OR1J2: variants seen among roughly 807,000 people sequenced by gnomAD.
OR1J2 encodes olfactory receptor 1J2.
For missense variants in OR1J2, 304 were observed against 246.1 expected (o/e 1.24, Z -1.57); for synonymous variants, 142 against 99.7 (o/e 1.42, Z -2.52).
chr9:122,571,630 C>T, the OR1J2 span, among the ~76,000 whole-genome samples: 2 of 149,954 alleles, frequency 1.3e-5, no homozygotes, highest in East Asian at 1.9e-4. Context: ...GCAGAAGAAT[C>T]GCTTGAACCC....
the OR1J2 span, among the ~76,000 whole-genome samples, chr9:122,517,813 C>T: frequency 2.6e-5 from 4 of 152,032 alleles, no homozygotes; most frequent in Admixed American, 2.6e-4. Flanking sequence ...ACCTATCAAC[C>T]CCATCACCTA....
chr9:122,462,595 A>G, the OR1J2 span, among the ~76,000 whole-genome samples: 2 of 152,182 alleles, frequency 1.3e-5, no homozygotes, highest in Non-Finnish European at 2.9e-5. Flanking sequence ...TACTTTTAGT[A>G]GTTCTTGTAG....
chr9:122,531,980 G>A, the OR1J2 span, among the ~76,000 whole-genome samples: 13 of 152,132 alleles, frequency 8.5e-5, no homozygotes, highest in East Asian at 7.8e-4. Flanking sequence ...AGTCCTGGGC[G>A]GAGGCAAATC....
chr9:122,554,339 T>C, the OR1J2 span: 21 of 571,576 alleles, frequency 3.7e-5, no homozygotes, highest in African/African-American at 3.8e-4. Flanking sequence ...TGGAATGAGA[T>C]GTTCTGTCTC....
At chr9:122,497,514 T>A in the OR1J2 span, among the ~76,000 whole-genome samples, 16 of 152,340 alleles carry the variant, frequency 1.1e-4, no homozygotes, top group Non-Finnish European at 2.2e-4. Flanking sequence ...TTAGTTGTAA[T>A]GTCACCTTTG....
At chr9:122,477,240 G>A in the OR1J2 span, 1 of 1,614,094 alleles carries the variant, frequency 6.2e-7, no homozygotes, top group African/African-American at 1.3e-5. Flanking sequence ...CCTTGGTAGA[G>A]GGAATCTGGA....
At chr9:122,565,203 T>A in the OR1J2 span, among the ~76,000 whole-genome samples, 1 of 152,130 alleles carries the variant, frequency 6.6e-6, no homozygotes, top group African/African-American at 2.4e-5. Context: ...GATCAGGGAT[T>A]TGGAAGCAAC....
the OR1J2 span, among the ~76,000 whole-genome samples, chr9:122,493,849 C>G: frequency 6.6e-6 from 1 of 152,116 alleles, no homozygotes; most frequent in Non-Finnish European, 1.5e-5. Context: ...GAACTCTCCT[C>G]TTAGCACTGC....
At chr9:122,562,397 G>A in the OR1J2 span, among the ~76,000 whole-genome samples, 4 of 152,248 alleles carry the variant, frequency 2.6e-5, no homozygotes, top group South Asian at 8.3e-4. Context: ...CTAGCTGAGT[G>A]GCTATTGAGA....
chr9:122,465,966 A>G, the OR1J2 span, among the ~76,000 whole-genome samples: 2 of 152,210 alleles, frequency 1.3e-5, no homozygotes, highest in Non-Finnish European at 2.9e-5. Flanking sequence ...AGCAAGGCTG[A>G]ACTTTAAGCC....
chr9:122,549,988 T>C, the OR1J2 span, among the ~76,000 whole-genome samples: 2 of 152,190 alleles, frequency 1.3e-5, no homozygotes, highest in African/African-American at 4.8e-5. Context: ...TTCCAATCCA[T>C]GATCATGGGA....
the OR1J2 span, among the ~76,000 whole-genome samples, chr9:122,505,461 G>GC: frequency 6.6e-6 from 1 of 152,102 alleles, no homozygotes; most frequent in East Asian, 1.9e-4. Flanking sequence ...TAAGGGCAGA[G>GC]CCCTCAAGAC....
At chr9:122,562,133 G>A in the OR1J2 span, among the ~76,000 whole-genome samples, 4 of 152,228 alleles carry the variant, frequency 2.6e-5, no homozygotes, top group Admixed American at 2.0e-4. Flanking sequence ...TGCCACAGCC[G>A]GTGTGTTTGG....
the OR1J2 span, among the ~76,000 whole-genome samples, chr9:122,548,589 T>TATATATATATATATATATATATA: frequency 6.6e-6 from 1 of 151,176 alleles, no homozygotes; most frequent in Non-Finnish European, 1.5e-5. Flanking sequence ...TTTAAAATTT[T>TATATATATATATATATATATATA]TATATATATA....
chr9:122,469,033 A>C, the OR1J2 span, among the ~76,000 whole-genome samples: 1 of 152,194 alleles, frequency 6.6e-6, no homozygotes, highest in African/African-American at 2.4e-5. Context: ...GAGTCTGGCA[A>C]GTATTGTGCA....
chr9:122,527,128 G>A, the OR1J2 span: 3 of 1,614,208 alleles, frequency 1.9e-6, no homozygotes, highest in Admixed American at 1.7e-5. Flanking sequence ...AAGTACATGG[G>A]GGTGTGGAGG....
chr9:122,494,011 G>A, the OR1J2 span, among the ~76,000 whole-genome samples: 1 of 152,136 alleles, frequency 6.6e-6, no homozygotes, highest in African/African-American at 2.4e-5. Context: ...TTTTGGAGTT[G>A]ATTTCCAATT....
chr9:122,554,307 G>T, the OR1J2 span: 1 of 636,720 alleles, frequency 1.6e-6, no homozygotes, highest in Non-Finnish European at 2.7e-6. Context: ...AAAAAAGAGT[G>T]TTTCATTCTT....
downstream of OR1J2, among the ~76,000 whole-genome samples, chr9:122,514,348 G>A (rs980100748): frequency 6.6e-6 from 1 of 152,062 alleles, no homozygotes; most frequent in African/African-American, 2.4e-5. Flanking sequence ...CTAATGTTTA[G>A]CTCCCACTTA....
Sources: allele counts gnomAD v4.1 joint callset (sites outside exome capture counted in the v4.1 genomes callset), GRCh38; gene constraint gnomAD v4.1.1; transcripts MANE v1.5; gene names NCBI Gene and HGNC (gene_info 2026-07-23, HGNC 2026-07-21).